NSUN6: variants seen among roughly 807,000 people sequenced by gnomAD.
The protein encoded by NSUN6 is tRNA (cytosine(72)-C(5))-methyltransferase NSUN6.
NSUN6 carries 64 observed loss-of-function variants against 58.0 expected under a neutral mutation model. The observed-to-expected ratio is 1.10, with a 90% CI of 0.90 to 1.36. The LOEUF (loss-of-function observed/expected upper bound fraction) is 1.36. Among genes scored for constraint, NSUN6 ranks in the 40% most tolerant of loss-of-function variants. The probability of loss-of-function intolerance (pLI) is 0.00; values close to 1 mark genes in which losing one functional copy is unlikely to be tolerated. For missense variants in NSUN6, 701 were observed against 550.1 expected, an observed-to-expected ratio of 1.27 and a Z score of -2.74; for synonymous variants, 231 against 193.9, an observed-to-expected ratio of 1.19 and a Z score of -1.59.
intron 8 of NSUN6, among the ~76,000 whole-genome samples, chr10:18,563,085 A>G (rs1391440823): frequency 6.6e-6 from 1 of 150,572 alleles, no homozygotes; most frequent in African/African-American, 2.4e-5. Flanking sequence ...CAGAGAATGC[A>G]GAATGGAATG....
At position 18,616,262 on chromosome 10, in the gene NSUN6, T is replaced by C. The variant is rs745746800; in HGVS notation, c.343A>G (p.Ile115Val). ...KNIKKQQCEA[I>V]VGAQCGNAVL... Reference sequence around the variant, plus strand: ...GCATTGCCACACTGGGCTCCAACAATGGCTTCACACTGTTGTTTTTTAATA... The same window carrying C: ...GCATTGCCACACTGGGCTCCAACAACGGCTTCACACTGTTGTTTTTTAATA... Residue 115 changes from isoleucine to valine, a missense_variant, in exon 4 of 11, where the codon ATT (isoleucine) becomes GTT (valine). Ile to Val is a conservative substitution (Grantham distance 29). Transcript: ENST00000377304. The C allele has an allele frequency of 3.4e-5, 54 of 1,610,496 alleles. No individual in the cohort carries two copies. In the Admixed American group the frequency reaches 8.0e-4, roughly 24 times the overall value.
At chr10:18,561,769 A>T (rs1456573707) in intron 8 of NSUN6, among the ~76,000 whole-genome samples, 1 of 150,224 alleles carries the variant, frequency 6.7e-6, no homozygotes. Flanking sequence ...AATATGGAAT[A>T]GAATGGAGAA....
chr10:18,611,564 C>T (rs2058236860), intron 5 of NSUN6, among the ~76,000 whole-genome samples: 1 of 152,142 alleles, frequency 6.6e-6, no homozygotes, highest in Admixed American at 6.6e-5. Context: ...GGGTCTCACT[C>T]TGTCACGCAG....
chr10:18,654,134 C>T (rs1240517500), upstream of NSUN6, among the ~76,000 whole-genome samples: 3 of 152,110 alleles, frequency 2.0e-5, no homozygotes, highest in Non-Finnish European at 4.4e-5. Context: ...CTCACTCTGT[C>T]GCCCAGGCTG....
chr10:18,556,542 T>C lies in NSUN6; in HGVS notation c.923-4571A>G, dbSNP rs2055037414. Among the ~76,000 whole-genome samples the C allele has an allele frequency of 4.8e-5, 7 of 147,116 alleles. No individual in the cohort carries two copies. The South Asian group carries it at 8.6e-4, about 18-fold the overall frequency. On this transcript the variant is annotated intron_variant, in intron 8 of 10. Transcript: ENST00000377304. ...GAATGGAATGGAATGCAGTGGTGAA[T>C]AGAATGAAATGGAGAATGGAATGTT...
At chr10:18,606,037 A>G (rs2058036806) in intron 6 of NSUN6, among the ~76,000 whole-genome samples, 1 of 152,180 alleles carries the variant, frequency 6.6e-6, no homozygotes, top group Admixed American at 6.5e-5. Context: ...GAAATTACAC[A>G]AGGCCTAAAA....
intron 8 of NSUN6, among the ~76,000 whole-genome samples, chr10:18,568,914 CCATTCCATTCTCCATTT>C (rs2056164442): frequency 6.6e-6 from 1 of 151,582 alleles, no homozygotes; most frequent in Non-Finnish European, 1.5e-5. Context: ...ACTCTCCATT[CCATTCCATTCTCCATTT>C]GGTTCTCCAT....
intron 8 of NSUN6, among the ~76,000 whole-genome samples, chr10:18,563,657 T>C (rs1406842684): frequency 6.6e-6 from 1 of 150,938 alleles, no homozygotes; most frequent in African/African-American, 2.4e-5. Flanking sequence ...CCATGCTCCA[T>C]TCGATTCCAT....
chr10:18,652,679 C>T (rs370858486), upstream of NSUN6: 6 of 614,008 alleles, frequency 9.8e-6, no homozygotes, highest in African/African-American at 1.2e-4. Context: ...CCTGCCTTGG[C>T]CTCCCGAGTA....
chr10:18,586,142 T>C (rs768876760), intron 7 of NSUN6, 49 bp from the exon 8 acceptor site: 15 of 1,406,154 alleles, frequency 1.1e-5, no homozygotes, highest in Non-Finnish European at 1.4e-5. Flanking sequence ...AAGAAAATTA[T>C]AAATCCAAAG....
rs140572895 is a variant in NSUN6, at chr10:18,651,256, G to GTTTTT, written c.-58_-54dup. The GTTTTT allele has an allele frequency of 2.9e-6, 4 of 1,361,052 alleles. No individual in the cohort carries two copies. Among genetic ancestry groups the GTTTTT allele is most frequent in the Non-Finnish European group, 3.9e-6 (4 of 1,032,156 alleles). The allele number at this position is 1,361,052 out of a possible 1,614,324, so 84.3% of individuals were successfully genotyped here. A position where few individuals can be genotyped will look rare whatever the true frequency, so the allele number is the denominator to read the frequency against. On this transcript the variant is annotated 5_prime_UTR_variant, in exon 1 of 11. Coordinates refer to ENST00000377304, the MANE Select transcript of NSUN6 (RefSeq NM_182543.5). The stretch of plus-strand genomic sequence containing the variant: ...GAGAAATGCTGGAAAACGGTGTTTT[G>GTTTTT]TTTTTTTTTTTCTTTCCGAATTAAT...
intron 7 of NSUN6, among the ~76,000 whole-genome samples, chr10:18,588,854 C>T (rs748575690): frequency 3.7e-4 from 57 of 152,140 alleles, no homozygotes; most frequent in Non-Finnish European, 6.8e-4. Flanking sequence ...ACCAGAATGC[C>T]TCTTCTCCTC....
chr10:18,617,800 G>C (rs2058466036), intron 3 of NSUN6, among the ~76,000 whole-genome samples: 1 of 152,140 alleles, frequency 6.6e-6, no homozygotes, highest in Non-Finnish European at 1.5e-5. Context: ...CAGGTCATGA[G>C]TGCTCTGCCC....
intron 3 of NSUN6, among the ~76,000 whole-genome samples, chr10:18,627,256 T>G (rs1472034338): frequency 2.0e-5 from 3 of 152,210 alleles, no homozygotes; most frequent in African/African-American, 4.8e-5. Flanking sequence ...AGTGATGCAT[T>G]ACTGTTAAAA....
chr10:18,643,219 A>C (rs1410418368), intron 2 of NSUN6, among the ~76,000 whole-genome samples: 7 of 151,340 alleles, frequency 4.6e-5, no homozygotes, highest in Non-Finnish European at 7.4e-5. Context: ...TTTCCCAGAA[A>C]GGGTTTGTTA....
At position 18,568,282 on chromosome 10, in the gene NSUN6, T is replaced by A. The variant is rs1486199537; in HGVS notation, c.923-16311A>T. On this transcript the variant is annotated intron_variant, in intron 8 of 10. Transcript: ENST00000377304. Reference sequence around the variant, plus strand: ...TCCATACCATTCTCCATTCCATTCCTTTTTCCATTCCAGTTCATTCTCCAT... The same window carrying A: ...TCCATACCATTCTCCATTCCATTCCATTTTCCATTCCAGTTCATTCTCCAT... 4.7e-5 allele frequency among the ~76,000 whole-genome samples: 7 copies of A among 150,416 alleles called. No homozygotes were observed. In the East Asian group the frequency reaches 9.9e-4, roughly 21 times the overall value.
intron 8 of NSUN6, among the ~76,000 whole-genome samples, chr10:18,584,914 A>G (rs954683015): frequency 1.3e-5 from 2 of 151,880 alleles, no homozygotes; most frequent in African/African-American, 2.4e-5. Flanking sequence ...AAAACCCATC[A>G]ACCAAGAATT....
At chr10:18,598,597 G>A (rs566496317) in intron 6 of NSUN6, among the ~76,000 whole-genome samples, 80 of 151,832 alleles carry the variant, frequency 5.3e-4, no homozygotes, top group African/African-American at 1.8e-3. Context: ...TCAGCCTCCC[G>A]AATGGCTGGG....
Position 18,551,828 on chromosome 10 carries a change from T to C in NSUN6, c.1066A>G (p.Thr356Ala), listed in dbSNP as rs770500005. 8 of 1,612,470 alleles carry C rather than the reference T, an allele frequency of 5.0e-6. No homozygotes were observed. In the South Asian group the frequency reaches 8.8e-5, roughly 18 times the overall value. ...AAAAACAGACCACCACATACTGCAG[T>C]GAAGAGTTTTCGCTGTAATGGCTGA... ...SYQPLQRKLF[T>A]AAVQLLKPEG... Residue 356 changes from threonine to alanine, a missense_variant, in exon 9 of 11, where the codon ACT becomes GCT. Coordinates refer to ENST00000377304, the MANE Select transcript of NSUN6 (RefSeq NM_182543.5).
Sources: gnomAD v4.1 joint callset for allele counts (sites outside exome capture counted in the v4.1 genomes callset) on GRCh38, gnomAD v4.1.1 for gene constraint, MANE v1.5 for transcripts, NCBI Gene and HGNC (gene_info 2026-07-23, HGNC 2026-07-21) for gene names.